The following RPGR variants were observed in gnomAD, a reference collection of about 807,000 sequenced individuals.
RPGR encodes the protein retinitis pigmentosa GTPase regulator, also known as X-linked retinitis pigmentosa GTPase regulator.
Under a neutral mutation model 56.3 loss-of-function variants are expected in RPGR, and 10 were observed. The observed-to-expected ratio is 0.18, with a 90% CI of 0.11 to 0.30. The LOEUF is 0.30. Among genes scored for constraint, RPGR ranks in the 10% least tolerant of loss-of-function variants. The pLI is 1.00. For synonymous variants in RPGR, 197 were observed against 212.9 expected (o/e 0.93, Z 0.65); for missense variants, 538 against 590.9 (o/e 0.91, Z 0.93).
chrX:38,280,455 G>A (rs997874739), intron 15 of RPGR, among the ~76,000 whole-genome samples: 5 of 110,978 alleles, frequency 4.5e-5, no homozygotes, highest in African/African-American at 1.6e-4. Context: ...TGGGGAGAGG[G>A]GTGCCAGCCT....
intron 15 of RPGR, among the ~76,000 whole-genome samples, chrX:38,281,646 A>G (rs1198920787): frequency 8.9e-6 from 1 of 111,905 alleles, no homozygotes; most frequent in East Asian, 2.8e-4. Flanking sequence ...ACAGGTTACC[A>G]TTTGCTGAGT....
chrX:38,279,367 C>A, intron 15 of RPGR, among the ~76,000 whole-genome samples: 1 of 111,871 alleles, frequency 8.9e-6, no homozygotes, highest in East Asian at 2.8e-4. Context: ...CACAAAAGGA[C>A]CCTTTGTTTC....
intron 15 of RPGR, chrX:38,284,808 C>T: frequency 1.3e-6 from 1 of 744,867 alleles, no homozygotes; most frequent in Non-Finnish European, 1.6e-6. Flanking sequence ...GAAACTGAGG[C>T]CCAATGAGTA....
intron 3 of RPGR, among the ~76,000 whole-genome samples, chrX:38,322,339 T>C (rs776370564): frequency 1.8e-5 from 2 of 111,988 alleles, no homozygotes; most frequent in African/African-American, 6.5e-5. Context: ...ACTCCTGATT[T>C]CAAATATTTT....
In RPGR at chrX:38,321,049, C is replaced by T. The variant is rs1212797862; in HGVS notation, c.288G>A (p.Arg96=). 1 of 1,206,001 alleles carries T rather than the reference C, an allele frequency of 8.3e-7. No individual in the cohort carries two copies. Among genetic ancestry groups the T allele is most frequent in the Non-Finnish European group, 1.1e-6 (1 of 890,240 alleles). ...TACCTGTTGACACCAGGGTGTGGTT[C>T]CTTCCACAGGCAGCTAATTTCACTT... The change falls in exon 4 of 19, where the codon AGG becomes AGA. Residue 96 remains arginine (R), a synonymous_variant. Transcript: ENST00000642395.
intron 5 of RPGR, among the ~76,000 whole-genome samples, chrX:38,318,288 C>G (rs2067864382): frequency 9.1e-6 from 1 of 109,804 alleles, no homozygotes; most frequent in Non-Finnish European, 1.9e-5. Flanking sequence ...TAGAGTAACA[C>G]CGGATGTTAC....
chrX:38,301,213 T>C, intron 9 of RPGR, 34 bp downstream of exon 9: 2 of 1,139,881 alleles, frequency 1.8e-6, no homozygotes, highest in Non-Finnish European at 2.4e-6. Flanking sequence ...TACAGTAATA[T>C]GAAAATATAA....
Position 38,269,497 on chromosome X carries a change from A to G in RPGR, c.*129T>C, listed in dbSNP as rs777555856. ...TATCAAAACTGGTCACACTTATAGA[A>G]GCTGAATAAAACATATTAAGTCTTA... is the stretch of plus-strand genomic sequence containing the variant. On this transcript the variant is annotated 3_prime_UTR_variant, in exon 19 of 19. Coordinates refer to ENST00000642395, the MANE Select transcript of RPGR (RefSeq NM_000328.3). 26 of 479,278 alleles carry G rather than the reference A, an allele frequency of 5.4e-5. No homozygotes were observed. In the South Asian group the frequency reaches 9.1e-4, roughly 17 times the overall value. The allele number at this position is 479,278 out of a possible 1,213,427, so 39.5% of individuals were successfully genotyped here.
intron 15 of RPGR, chrX:38,286,018 T>C: frequency 1.3e-6 from 1 of 784,741 alleles, no homozygotes; most frequent in Middle Eastern, 5.6e-4. Flanking sequence ...TTCTTCCCCT[T>C]CCTCCTCTTC....
intron 1 of RPGR, among the ~76,000 whole-genome samples, chrX:38,324,819 T>G (rs1352800828): frequency 2.0e-5 from 2 of 101,234 alleles, no homozygotes; most frequent in Admixed American, 2.1e-4. Flanking sequence ...ATTAGAGAGA[T>G]TGGTAGGTAG....
At chrX:38,285,467 G>A (rs1270279553) in intron 15 of RPGR, 19 of 1,201,037 alleles carry the variant, frequency 1.6e-5, no homozygotes, top group Non-Finnish European at 1.9e-5. Context: ...TTAATAACAC[G>A]TAATGAGTGC....
At chrX:38,300,829 C>A (rs1394098203) in intron 9 of RPGR, among the ~76,000 whole-genome samples, 4 of 112,325 alleles carry the variant, frequency 3.6e-5, no homozygotes, top group African/African-American at 1.3e-4. Context: ...GCCACCGTGC[C>A]CTGCCAAAAC....
chrX:38,288,029 T>C lies in RPGR; in HGVS notation c.1585A>G (p.Ile529Val), dbSNP rs764009509. ...GCTGTATCCTGCGTCAGTTCCCCAA[T>C]TGTTTGTTGTTTCTGTAAATTTTTT... is the stretch of plus-strand genomic sequence containing the variant. Residue 529 changes from isoleucine (I) to valine (V), a missense_variant, in exon 14 of 19, where the codon ATT becomes GTT. By Grantham distance (29) the Ile-to-Val change is conservative (BLOSUM62 3). This residue lies in a region of RPGR where 357 missense variants were observed against 325.8 expected (regional missense o/e 1.10). Coordinates refer to ENST00000642395, the MANE Select transcript of RPGR (RefSeq NM_000328.3). 1.2e-5 allele frequency: 15 copies of C among 1,206,945 alleles called. No homozygotes were observed. The highest frequency in any genetic ancestry group is 3.0e-5 in the East Asian group (1 of 33,786).
At chrX:38,300,470 G>A (rs986836666) in intron 9 of RPGR, among the ~76,000 whole-genome samples, 8 of 111,872 alleles carry the variant, frequency 7.2e-5, no homozygotes, top group Non-Finnish European at 1.1e-4. Context: ...TGATGGTGAC[G>A]TGACACTGAA....
chrX:38,316,632 T>A (rs138623956), intron 6 of RPGR, among the ~76,000 whole-genome samples: 3 of 111,229 alleles, frequency 2.7e-5, no homozygotes, highest in African/African-American at 6.5e-5. Flanking sequence ...TTCAATAATA[T>A]TTATTGATTA....
At chrX:38,284,679 A>C in intron 15 of RPGR, 2 of 721,179 alleles carry the variant, frequency 2.8e-6, no homozygotes, top group Non-Finnish European at 3.3e-6. Context: ...TTCTCCCTAA[A>C]ACGTTTCTTA....
chrX:38,311,904 T>A (rs1322215906), intron 6 of RPGR, among the ~76,000 whole-genome samples: 1 of 112,005 alleles, frequency 8.9e-6, no homozygotes, highest in African/African-American at 3.2e-5. Flanking sequence ...TGTGGTTTCC[T>A]AAGAGAAAGT....
At chrX:38,323,863 C>G (rs1334222216) in intron 1 of RPGR, among the ~76,000 whole-genome samples, 1 of 112,388 alleles carries the variant, frequency 8.9e-6, no homozygotes, top group Non-Finnish European at 1.9e-5. Flanking sequence ...ATGGCACAAT[C>G]TGTGCTATTC....
Position 38,319,050 on chromosome X carries a change from T to C in RPGR, c.311-63A>G, listed in dbSNP as rs1317025150. 6 of 1,106,019 alleles carry C rather than the reference T, an allele frequency of 5.4e-6. No individual in the cohort carries two copies. In the African/African-American group the frequency reaches 5.4e-5, roughly 10 times the overall value. 91.1% of individuals were successfully genotyped at this position (1,106,019 alleles called of 1,213,427 possible). A position where few individuals can be genotyped will look rare whatever the true frequency, so the allele number is the denominator to read the frequency against. On this transcript the variant is annotated intron_variant, in intron 4 of 18. Transcript: ENST00000642395. ...TCCCCCTTTTTATGAGACAGGTCAG[T>C]GTATAGCAGCGATTTCCTCTATTAA...
Sources: gnomAD v4.1 joint callset for allele counts (sites outside exome capture counted in the v4.1 genomes callset) on GRCh38, gnomAD v4.1.1 for gene constraint, gnomAD v4.1.1 regional missense constraint, MANE v1.5 for transcripts, NCBI Gene and HGNC (gene_info 2026-07-23, HGNC 2026-07-21) for gene names.